The following SLC2A13 variants were observed in gnomAD, a reference collection of about 807,000 sequenced individuals.
The protein encoded by SLC2A13 is solute carrier family 2 member 13, also known as proton myo-inositol cotransporter.
Under a neutral mutation model 64.4 loss-of-function variants are expected in SLC2A13, and 32 were observed. That is an observed-to-expected ratio of 0.50 (90% CI 0.37 to 0.67). SLC2A13 has a LOEUF of 0.67. SLC2A13 is among the 30% of genes least tolerant of loss of function. The pLI, the probability that SLC2A13 is intolerant of heterozygous loss-of-function variation, is 0.00. For synonymous variants in SLC2A13, 338 were observed against 327.1 expected (o/e 1.03, Z -0.36); for missense variants, 743 against 829.2 (o/e 0.90, Z 1.28).
intron 3 of SLC2A13, among the ~76,000 whole-genome samples, chr12:39,988,479 GAGGA>G (rs943016035): frequency 4.0e-5 from 6 of 149,188 alleles, no homozygotes; most frequent in African/African-American, 7.4e-5. Flanking sequence ...TTTAAAAAAA[GAGGA>G]AGGAAGGAAG....
intron 1 of SLC2A13, among the ~76,000 whole-genome samples, chr12:40,103,801 T>C (rs144076260): frequency 4.6e-5 from 7 of 152,348 alleles, no homozygotes; most frequent in African/African-American, 1.7e-4. Context: ...AGGTTATTTG[T>C]TGAAGGGTCC....
chr12:39,976,687 C>T (rs1565571657), intron 3 of SLC2A13, among the ~76,000 whole-genome samples: 1 of 152,096 alleles, frequency 6.6e-6, no homozygotes, highest in East Asian at 1.9e-4. Flanking sequence ...AGTGAAACTG[C>T]TGCCCCTGGC....
At chr12:39,792,390 T>G (rs1941434288) in intron 7 of SLC2A13, among the ~76,000 whole-genome samples, 1 of 151,942 alleles carries the variant, frequency 6.6e-6, no homozygotes, top group South Asian at 2.1e-4. Context: ...CTAATTAAAC[T>G]AAAGAGCTTC....
Position 39,976,181 on chromosome 12 carries a change from C to T in SLC2A13, c.926-24816G>A, listed in dbSNP as rs145660182. Reference sequence around the variant, plus strand: ...TACAGCAAGTTCAAGGACATAGCTGCCCCCATAAACAACACCCAAAATTAG... The same window carrying T: ...TACAGCAAGTTCAAGGACATAGCTGTCCCCATAAACAACACCCAAAATTAG... On this transcript the variant is annotated intron_variant, in intron 3 of 9. Coordinates refer to ENST00000280871, the MANE Select transcript of SLC2A13 (RefSeq NM_052885.4). Among the ~76,000 whole-genome samples the T allele has an allele frequency of 4.1e-4, 63 of 152,314 alleles. 2 individuals are homozygous for T. The East Asian group carries it at 0.01, about 25-fold the overall frequency.
At chr12:40,050,830 G>A (rs1034630759) in intron 1 of SLC2A13, among the ~76,000 whole-genome samples, 2 of 152,074 alleles carry the variant, frequency 1.3e-5, no homozygotes, top group Non-Finnish European at 1.5e-5. Flanking sequence ...GGTTAAGTTT[G>A]GACAACTTAC....
chr12:40,093,759 G>A (rs1484528251), intron 1 of SLC2A13, among the ~76,000 whole-genome samples: 2 of 152,084 alleles, frequency 1.3e-5, no homozygotes, highest in African/African-American at 4.8e-5. Context: ...TAGAGGCGGG[G>A]TCAGCTGGAA....
chr12:39,920,104 C>T (rs1401271007), intron 4 of SLC2A13, among the ~76,000 whole-genome samples: 1 of 152,064 alleles, frequency 6.6e-6, no homozygotes, highest in Non-Finnish European at 1.5e-5. Flanking sequence ...TTACATGCCT[C>T]ATCATTCAAG....
chr12:40,014,561 G>A (rs768300922), intron 3 of SLC2A13, among the ~76,000 whole-genome samples: 24 of 151,820 alleles, frequency 1.6e-4, no homozygotes, highest in Non-Finnish European at 3.1e-4. Flanking sequence ...GCATGATCTC[G>A]GCTCACTGCA....
chr12:39,884,178 A>T (rs1944414862), intron 4 of SLC2A13, among the ~76,000 whole-genome samples: 1 of 152,148 alleles, frequency 6.6e-6, no homozygotes, highest in Non-Finnish European at 1.5e-5. Flanking sequence ...TATGTTGCTC[A>T]GGCTGGTCTC....
intron 4 of SLC2A13, among the ~76,000 whole-genome samples, chr12:39,894,747 C>T (rs1027605628): frequency 4.6e-5 from 7 of 152,052 alleles, no homozygotes; most frequent in South Asian, 2.1e-4. Flanking sequence ...TGGTAAATAC[C>T]GGCTTTGGCT....
At chr12:39,851,772 A>G (rs1164337853) in intron 6 of SLC2A13, among the ~76,000 whole-genome samples, 1 of 152,210 alleles carries the variant, frequency 6.6e-6, no homozygotes, top group Non-Finnish European at 1.5e-5. Flanking sequence ...TGAGTCATTG[A>G]TCACTGCAAA....
chr12:40,041,553 T>C lies in SLC2A13; in HGVS notation c.716+6498A>G, dbSNP rs780057246. Among the ~76,000 whole-genome samples, 150 of 152,344 alleles carry C rather than the reference T, an allele frequency of 9.8e-4. 1 individual carries two copies. Among genetic ancestry groups the C allele is most frequent in the Non-Finnish European group, 1.9e-3 (127 of 68,032 alleles). On this transcript the variant is annotated intron_variant, in intron 2 of 9. Transcript: ENST00000280871. ...ACTAAAAAAAGTCTCTCTCCTATAT[T>C]AGGCCATTAGAGGCTTCAGGACAGG...
chr12:39,904,803 T>C (rs1291817707), intron 4 of SLC2A13, among the ~76,000 whole-genome samples: 1 of 152,150 alleles, frequency 6.6e-6, no homozygotes, highest in African/African-American at 2.4e-5. Context: ...ACTTCTTTAG[T>C]GCATATTTGT....
At chr12:39,768,909 G>A (rs77177845) in intron 7 of SLC2A13, among the ~76,000 whole-genome samples, 277 of 152,194 alleles carry the variant, frequency 1.8e-3, no homozygotes, top group Middle Eastern at 3.4e-3. Flanking sequence ...TGTCTGTGAA[G>A]TGCAATGATG....
intron 6 of SLC2A13, among the ~76,000 whole-genome samples, chr12:39,838,786 A>C (rs1393239661): frequency 6.6e-6 from 1 of 152,078 alleles, no homozygotes; most frequent in African/African-American, 2.4e-5. Context: ...TTAATTTAGA[A>C]CATTTTTAGT....
At chr12:39,968,750 T>G (rs79390485) in intron 3 of SLC2A13, among the ~76,000 whole-genome samples, 19,403 of 50,524 alleles carry the variant, frequency 0.38, 2,780 homozygotes, top group East Asian at 0.55. Context: ...ATTTTTGTTG[T>G]TTTTTTTTGG....
chr12:39,809,541 A>G (rs1178632534), intron 7 of SLC2A13, among the ~76,000 whole-genome samples: 1 of 152,186 alleles, frequency 6.6e-6, no homozygotes, highest in Non-Finnish European at 1.5e-5. Flanking sequence ...GTTTTAGGGT[A>G]CATGTGCACA....
intron 7 of SLC2A13, among the ~76,000 whole-genome samples, chr12:39,781,936 T>A (rs1283073832): frequency 6.6e-6 from 1 of 152,196 alleles, no homozygotes; most frequent in Non-Finnish European, 1.5e-5. Context: ...AAGAATATTC[T>A]GAACAATGAA....
chr12:39,892,173 G>A (rs927618604), intron 4 of SLC2A13, among the ~76,000 whole-genome samples: 10 of 152,336 alleles, frequency 6.6e-5, no homozygotes, highest in Admixed American at 2.0e-4. Flanking sequence ...AAAAGAGCTT[G>A]AGCAGAGAAG....
Sources: allele counts gnomAD v4.1 joint callset (sites outside exome capture counted in the v4.1 genomes callset), GRCh38; gene constraint gnomAD v4.1.1; transcripts MANE v1.5; gene names NCBI Gene and HGNC (gene_info 2026-07-23, HGNC 2026-07-21).